Variants in LRRC40 observed in about 807,000 individuals in gnomAD.
LRRC40 encodes leucine rich repeat containing 40.
LRRC40 carries 76 observed loss-of-function variants against 72.8 expected under a neutral mutation model. That is an observed-to-expected ratio of 1.04 (90% CI 0.87 to 1.26). LRRC40 has a LOEUF of 1.26. LRRC40 is among the 50% of genes most tolerant of loss of function. LRRC40 has a pLI of 0.00. For synonymous variants in LRRC40, 243 were observed against 254.2 expected, an observed-to-expected ratio of 0.96 and a Z score of 0.42; for missense variants, 684 against 698.9, an observed-to-expected ratio of 0.98 and a Z score of 0.24.
At chr1:70,166,956 A>G (rs1042448738) in intron 9 of LRRC40, among the ~76,000 whole-genome samples, 4 of 152,110 alleles carry the variant, frequency 2.6e-5, no homozygotes, top group Non-Finnish European at 1.5e-5. Context: ...GGAAAGAGAC[A>G]ACATAAAGGG....
intron 14 of LRRC40, 71 bp from the exon 15 acceptor site, chr1:70,145,976 C>A (rs1281146941): frequency 2.9e-6 from 2 of 689,198 alleles, no homozygotes; most frequent in Non-Finnish European, 2.4e-6. Flanking sequence ...ATTTCATTTG[C>A]AATTTTATAA....
intron 1 of LRRC40, among the ~76,000 whole-genome samples, chr1:70,195,298 TG>T (rs1668583283): frequency 6.6e-6 from 1 of 151,786 alleles, no homozygotes; most frequent in Admixed American, 6.6e-5. Context: ...AGACAGATAC[TG>T]ATATAGATAT....
At position 70,169,004 on chromosome 1, in the gene LRRC40, T is replaced by C. The variant is rs1667946676; in HGVS notation, c.1111+4461A>G. Among the ~76,000 whole-genome samples, 3 of 151,962 alleles carry C rather than the reference T, an allele frequency of 2.0e-5. No individual in the cohort carries two copies. The South Asian group carries it at 6.2e-4, about 32-fold the overall frequency. On this transcript the variant is annotated intron_variant, in intron 9 of 14. Coordinates refer to ENST00000370952, the MANE Select transcript of LRRC40 (RefSeq NM_017768.5). ...AACCTAACTTTCCACCCTAAGATACTAGAAAAAAAGAACAAACTAAACTCT... is the reference window on the plus strand; with the variant it reads ...AACCTAACTTTCCACCCTAAGATACCAGAAAAAAAGAACAAACTAAACTCT...
At chr1:70,201,493 G>T (rs1470534133) in intron 1 of LRRC40, among the ~76,000 whole-genome samples, 2 of 152,122 alleles carry the variant, frequency 1.3e-5, no homozygotes, top group Non-Finnish European at 2.9e-5. Flanking sequence ...ACAATCAGTT[G>T]CTGAGCAGAA....
At chr1:70,189,010 A>G in intron 2 of LRRC40, 82 bp downstream of exon 2, 2 of 1,204,472 alleles carry the variant, frequency 1.7e-6, no homozygotes, top group South Asian at 3.0e-5. Context: ...ACTCAACATG[A>G]AAGGTTTTCT....
intron 1 of LRRC40, among the ~76,000 whole-genome samples, chr1:70,199,169 A>T (rs1451819909): frequency 6.6e-6 from 1 of 151,516 alleles, no homozygotes; most frequent in East Asian, 1.9e-4. Context: ...TAAATAAACT[A>T]AATTAGATAA....
chr1:70,157,159 T>C (rs1032652137), intron 10 of LRRC40, among the ~76,000 whole-genome samples: 1 of 152,230 alleles, frequency 6.6e-6, no homozygotes, highest in Non-Finnish European at 1.5e-5. Flanking sequence ...AAATGCATTG[T>C]AATACAAATA....
chr1:70,197,987 C>T (rs1423202150), intron 1 of LRRC40, among the ~76,000 whole-genome samples: 1 of 152,040 alleles, frequency 6.6e-6, no homozygotes, highest in Non-Finnish European at 1.5e-5. Context: ...GTCTTGAACT[C>T]CCAGGCTCAA....
chr1:70,200,556 T>G (rs1668714591), intron 1 of LRRC40, among the ~76,000 whole-genome samples: 1 of 152,032 alleles, frequency 6.6e-6, no homozygotes, highest in Non-Finnish European at 1.5e-5. Context: ...AACATGAAAA[T>G]TTAAATTATT....
At chr1:70,157,101 A>T (rs1667654468) in intron 10 of LRRC40, among the ~76,000 whole-genome samples, 2 of 152,206 alleles carry the variant, frequency 1.3e-5, no homozygotes, top group Admixed American at 1.3e-4. Flanking sequence ...AATGACTATG[A>T]ACAGAAAAAC....
At chr1:70,172,792 TGCATA>T (rs1668025544) in intron 9 of LRRC40, among the ~76,000 whole-genome samples, 1 of 152,156 alleles carries the variant, frequency 6.6e-6, no homozygotes, top group Non-Finnish European at 1.5e-5. Context: ...AGCTAAGCTA[TGCATA>T]ACCAACAGAG....
intron 6 of LRRC40, among the ~76,000 whole-genome samples, chr1:70,178,519 T>C (rs190013877): frequency 2.0e-5 from 3 of 152,284 alleles, no homozygotes; most frequent in Admixed American, 1.3e-4. Flanking sequence ...TGACACTTTA[T>C]AGAATTAGGT....
chr1:70,172,609 A>T (rs1359332351), intron 9 of LRRC40, among the ~76,000 whole-genome samples: 1 of 152,182 alleles, frequency 6.6e-6, no homozygotes, highest in Non-Finnish European at 1.5e-5. Flanking sequence ...CAGAATAATC[A>T]ATTTGTTCTG....
intron 6 of LRRC40, among the ~76,000 whole-genome samples, chr1:70,176,530 T>C (rs1571467733): frequency 1.7e-5 from 1 of 59,066 alleles, no homozygotes; most frequent in Non-Finnish European, 3.0e-5. Flanking sequence ...AGAATCCATC[T>C]CAAAAAAAAA....
At chr1:70,162,927 G>C (rs1238515224) in intron 9 of LRRC40, among the ~76,000 whole-genome samples, 1 of 152,084 alleles carries the variant, frequency 6.6e-6, no homozygotes, top group Non-Finnish European at 1.5e-5. Context: ...AGTTTTCTAT[G>C]GTTGCTTTAA....
At chr1:70,152,726 C>T (rs666163) in intron 11 of LRRC40, among the ~76,000 whole-genome samples, 183 bp from the exon 12 acceptor site, 28,791 of 151,856 alleles carry the variant, frequency 0.19, 3,038 homozygotes, top group South Asian at 0.39. Flanking sequence ...AATAATTTTT[C>T]AAAAAAGGCT....
intron 1 of LRRC40, among the ~76,000 whole-genome samples, chr1:70,202,436 G>A (rs1481468979): frequency 1.3e-5 from 2 of 152,128 alleles, no homozygotes; most frequent in African/African-American, 4.8e-5. Flanking sequence ...GTTTGAAAAC[G>A]TTATGCACTG....
intron 4 of LRRC40, among the ~76,000 whole-genome samples, chr1:70,183,145 T>C (rs1281251323): frequency 4.6e-5 from 7 of 152,152 alleles, no homozygotes; most frequent in African/African-American, 1.7e-4. Context: ...TTTTGACTTT[T>C]AAACTCTAGA....
In LRRC40 at chr1:70,205,401, T is replaced by C. The variant is rs1448813894; in HGVS notation, c.140A>G (p.Asn47Ser). 3.8e-6 allele frequency: 6 copies of C among 1,592,260 alleles called. No individual in the cohort carries two copies. Among genetic ancestry groups the C allele is most frequent in the Non-Finnish European group, 5.2e-6 (6 of 1,163,634 alleles). Residue 47 changes from asparagine to serine, a missense_variant, in exon 1 of 15, where the codon AAC becomes AGC. Physicochemically the swap from Asn to Ser is conservative, Grantham distance 46. Transcript: ENST00000370952. Reference protein sequence around the residue: ...KSGQLNLSGRNLSEVPQCVWR... With the variant: ...KSGQLNLSGRSLSEVPQCVWR... ...CCTCTGGGTCTTACCTTCACTGAGG[T>C]TTCTACCCGACAGGTTTAACTGGCC...
Sources: gnomAD v4.1 joint callset for allele counts (sites outside exome capture counted in the v4.1 genomes callset) on GRCh38, gnomAD v4.1.1 for gene constraint, MANE v1.5 for transcripts, NCBI Gene and HGNC (gene_info 2026-07-23, HGNC 2026-07-21) for gene names.